NFATC1: variants seen among roughly 807,000 people sequenced by gnomAD.
The protein encoded by NFATC1 is nuclear factor of activated T-cells, cytoplasmic 1.
Under a neutral mutation model 76.0 loss-of-function variants are expected in NFATC1, and 22 were observed. That is an observed-to-expected ratio of 0.29 (90% CI 0.21 to 0.41). NFATC1 has a LOEUF of 0.41. Among genes scored for constraint, NFATC1 ranks in the 10% least tolerant of loss-of-function variants. NFATC1 has a pLI of 1.00. For missense variants in NFATC1, 1,357 were observed against 1,337.7 expected, an observed-to-expected ratio of 1.01 and a Z score of -0.23; for synonymous variants, 704 against 613.1, an observed-to-expected ratio of 1.15 and a Z score of -2.19.
chr18:79,501,352 GA>G (rs201591178), intron 9 of NFATC1, among the ~76,000 whole-genome samples: 27 of 150,768 alleles, frequency 1.8e-4, no homozygotes, highest in Non-Finnish European at 2.8e-4. Flanking sequence ...GTCATACACA[GA>G]AAAAAAAACA....
chr18:79,408,777 GCAT>G (rs750077653), intron 1 of NFATC1, among the ~76,000 whole-genome samples: 4 of 147,220 alleles, frequency 2.7e-5, no homozygotes, highest in South Asian at 4.5e-4. Flanking sequence ...ATGCATCCAT[GCAT>G]CATCATCTGT....
At chr18:79,511,100 C>T (rs189442114) in intron 9 of NFATC1, among the ~76,000 whole-genome samples, 1 of 152,344 alleles carries the variant, frequency 6.6e-6, no homozygotes, top group African/African-American at 2.4e-5. Context: ...GAGAGTCCAC[C>T]AACGGCAATT....
At chr18:79,396,610 C>T (rs1034861062) in intron 1 of NFATC1, among the ~76,000 whole-genome samples, 4 of 152,178 alleles carry the variant, frequency 2.6e-5, no homozygotes, top group Non-Finnish European at 4.4e-5. Flanking sequence ...GAGGCCGCCG[C>T]GGGTCCCGCC....
At chr18:79,448,670 C>A in intron 3 of NFATC1, 112 bp from the exon 4 acceptor site, 3 of 957,090 alleles carry the variant, frequency 3.1e-6, no homozygotes, top group Non-Finnish European at 4.7e-6. Context: ...AAAAAGGGGG[C>A]AGGGCAGGGG....
In NFATC1 at chr18:79,409,693, C is replaced by T. The variant is rs549840396; in HGVS notation, c.128-710C>T. On this transcript the variant is annotated intron_variant, in intron 1 of 9. Transcript: ENST00000427363. ...GTTTCTTTACCTGTCTATCCATCATCCATTGTCCACCCACCCACCAACCAT... is the reference window on the plus strand; with the variant it reads ...GTTTCTTTACCTGTCTATCCATCATTCATTGTCCACCCACCCACCAACCAT... Among the ~76,000 whole-genome samples the T allele has an allele frequency of 5.9e-5, 9 of 152,322 alleles. No homozygotes were observed. The South Asian group carries it at 1.9e-3, about 32-fold the overall frequency.
intron 1 of NFATC1, among the ~76,000 whole-genome samples, chr18:79,396,599 C>T (rs543276224): frequency 4.2e-4 from 64 of 152,264 alleles, no homozygotes; most frequent in African/African-American, 1.3e-3. Context: ...GGGCGCGAGG[C>T]GAGGCCGCCG....
chr18:79,488,065 C>T (rs1341178947), intron 9 of NFATC1, among the ~76,000 whole-genome samples: 3 of 147,056 alleles, frequency 2.0e-5, no homozygotes, highest in Non-Finnish European at 4.4e-5. Flanking sequence ...GCGGCATTAG[C>T]CCCTCCTGAC....
At chr18:79,461,126 C>G (rs182513984) in intron 6 of NFATC1, among the ~76,000 whole-genome samples, 185 bp from the exon 7 acceptor site, 3 of 149,998 alleles carry the variant, frequency 2.0e-5, no homozygotes, top group African/African-American at 7.4e-5. Flanking sequence ...GAGCTCGGGG[C>G]CCTGCCAGGG....
rs568440995 is a variant in NFATC1, at chr18:79,403,075, C to T, written c.127+6724C>T. Among the ~76,000 whole-genome samples the T allele has an allele frequency of 1.4e-4, 22 of 152,364 alleles. No individual in the cohort carries two copies. The South Asian group carries it at 3.7e-3, about 26-fold the overall frequency. ...CCGGATCCCCTGAGAAGGGGCTGTA[C>T]GTCCTGGCAGAGCTGAGGTCAGTGT... On this transcript the variant is annotated intron_variant, in intron 1 of 9. Transcript: ENST00000427363.
intron 9 of NFATC1, among the ~76,000 whole-genome samples, chr18:79,500,107 A>G (rs2089982689): frequency 6.6e-6 from 1 of 152,172 alleles, no homozygotes; most frequent in South Asian, 2.1e-4. Context: ...TAAGACTATC[A>G]ACCAACTTTA....
chr18:79,475,171 T>C (rs1184061553), intron 8 of NFATC1, among the ~76,000 whole-genome samples: 1 of 142,018 alleles, frequency 7.0e-6, no homozygotes, highest in Non-Finnish European at 1.5e-5. Context: ...ACTGTCGACG[T>C]TGTAAACCTG....
chr18:79,482,527 C>T (rs1189436816), intron 8 of NFATC1, among the ~76,000 whole-genome samples: 13 of 147,292 alleles, frequency 8.8e-5, no homozygotes, highest in Admixed American at 8.8e-4. Context: ...TGACCTGGTC[C>T]TGGGGTGTCA....
At position 79,451,239 on chromosome 18, in the gene NFATC1, C is replaced by T. The variant is rs961052802; in HGVS notation, c.1762+113C>T. ...TGTAGACTTGGGACTGAACGGTTCC[C>T]ACCAAACCCACCACAGTGTGTGGCC... On this transcript the variant is annotated intron_variant, in intron 5 of 9. Coordinates refer to ENST00000427363, the MANE Select transcript of NFATC1 (RefSeq NM_001278669.2). 17 of 1,262,362 alleles carry T rather than the reference C, an allele frequency of 1.3e-5. No individual in the cohort carries two copies. In the African/African-American group the frequency reaches 1.8e-4, roughly 13 times the overall value. 78.2% of individuals were successfully genotyped at this position (1,262,362 alleles called of 1,614,324 possible).
intron 9 of NFATC1, among the ~76,000 whole-genome samples, chr18:79,526,507 C>T (rs901959801): frequency 2.6e-5 from 4 of 152,154 alleles, no homozygotes; most frequent in Admixed American, 6.5e-5. Context: ...GTGCTGCTGG[C>T]GGGGCCGGGC....
At chr18:79,452,019 GA>G (rs2087496958) in intron 6 of NFATC1, 1 of 543,352 alleles carries the variant, frequency 1.8e-6, no homozygotes, top group South Asian at 3.7e-5. Flanking sequence ...CTGCTGAAGG[GA>G]AGAGGTGGAT....
Position 79,451,759 on chromosome 18 carries a change from C to T in NFATC1, c.1846C>T (p.Leu616=). The stretch of plus-strand genomic sequence containing the variant: ...GGTCGTGGGCGGGAAGAAGATGGTC[C>T]TGTCTGGCCACAACTTCCTGCAGGA... ...YPVVGGKKMV[L]SGHNFLQDSK... Residue 616 remains leucine, a synonymous_variant, in exon 6 of 10, where the codon CTG becomes TTG. Coordinates refer to ENST00000427363, the MANE Select transcript of NFATC1 (RefSeq NM_001278669.2). The T allele has an allele frequency of 6.2e-7, 1 of 1,613,386 alleles. No individual in the cohort carries two copies. The highest frequency in any genetic ancestry group is 1.1e-5 in the South Asian group (1 of 90,836).
intron 9 of NFATC1, among the ~76,000 whole-genome samples, chr18:79,522,695 G>A (rs2090645490): frequency 6.6e-6 from 1 of 152,140 alleles, no homozygotes; most frequent in Non-Finnish European, 1.5e-5. Context: ...AAACAGGGAG[G>A]ACCAGAGAGG....
intron 1 of NFATC1, among the ~76,000 whole-genome samples, chr18:79,403,809 C>T (rs1040018947): frequency 2.6e-5 from 4 of 152,256 alleles, no homozygotes; most frequent in African/African-American, 9.6e-5. Context: ...TAGGATTTCT[C>T]TTCCCCAAGA....
At chr18:79,434,926 G>A (rs560423893) in intron 3 of NFATC1, among the ~76,000 whole-genome samples, 2 of 152,324 alleles carry the variant, frequency 1.3e-5, no homozygotes, top group African/African-American at 4.8e-5. Flanking sequence ...GGTGCTTGAA[G>A]CAAGGAAATG....
Sources: allele counts gnomAD v4.1 joint callset (sites outside exome capture counted in the v4.1 genomes callset), GRCh38; gene constraint gnomAD v4.1.1; transcripts MANE v1.5; gene names NCBI Gene and HGNC (gene_info 2026-07-23, HGNC 2026-07-21).